Variants in SLC7A8 observed in about 807,000 individuals in gnomAD.
SLC7A8 encodes the protein large neutral amino acids transporter small subunit 2.
SLC7A8 carries 30 observed loss-of-function variants against 51.2 expected under a neutral mutation model. That is an observed-to-expected ratio of 0.59 (90% CI 0.44 to 0.80). The LOEUF (loss-of-function observed/expected upper bound fraction) is 0.80. Among genes scored for constraint, SLC7A8 ranks in the 30% least tolerant of loss-of-function variants. SLC7A8 has a pLI of 0.00. For synonymous variants in SLC7A8, 257 were observed against 275.8 expected (o/e 0.93, Z 0.67); for missense variants, 612 against 674.4 (o/e 0.91, Z 1.03).
At chr14:23,142,649 C>T (rs1369267733) in intron 4 of SLC7A8, among the ~76,000 whole-genome samples, 4 of 152,034 alleles carry the variant, frequency 2.6e-5, no homozygotes, top group Non-Finnish European at 4.4e-5. Flanking sequence ...CACAGCCATG[C>T]ACCACCATGC....
At chr14:23,160,495 C>T (rs2048915480) in intron 3 of SLC7A8, among the ~76,000 whole-genome samples, 1 of 149,628 alleles carries the variant, frequency 6.7e-6, no homozygotes, top group South Asian at 2.1e-4. Context: ...GGCGTGAACC[C>T]GGGAGGCAGA....
chr14:23,155,295 GC>G, intron 3 of SLC7A8: 1 of 1,535,986 alleles, frequency 6.5e-7, no homozygotes, highest in African/African-American at 1.4e-5. Flanking sequence ...GGCTGTGAGT[GC>G]TCCTGGAGGC....
chr14:23,178,672 C>T (rs907867997), intron 1 of SLC7A8, among the ~76,000 whole-genome samples: 2 of 151,156 alleles, frequency 1.3e-5, no homozygotes, highest in Non-Finnish European at 2.9e-5. Flanking sequence ...CCCAACACTT[C>T]GGGAGGCTGA....
intron 2 of SLC7A8, 131 bp downstream of exon 2, chr14:23,166,205 T>C: frequency 2.2e-6 from 2 of 893,530 alleles, no homozygotes; most frequent in Non-Finnish European, 3.5e-6. Context: ...GAAGAGACAT[T>C]CCATTCACTA....
chr14:23,143,305 T>C lies in SLC7A8; in HGVS notation c.509-101A>G, dbSNP rs143542148. ...CTGCTCCCTCATCCTGACGATGACA[T>C]TGTAGTAGGTGAGCCAGACATCCAG... On this transcript the variant is annotated intron_variant, in intron 3 of 10. Coordinates refer to ENST00000316902, the MANE Select transcript of SLC7A8 (RefSeq NM_012244.4). The C allele has an allele frequency of 8.9e-5, 134 of 1,500,214 alleles. 1 individual carries two copies. In the East Asian group the frequency reaches 2.9e-3, roughly 33 times the overall value. 92.9% of individuals were successfully genotyped at this position (1,500,214 alleles called of 1,614,324 possible).
chr14:23,159,522 G>A (rs1260172948), intron 3 of SLC7A8, among the ~76,000 whole-genome samples: 1 of 152,246 alleles, frequency 6.6e-6, no homozygotes, highest in Non-Finnish European at 1.5e-5. Flanking sequence ...GTGCTGCCCA[G>A]GTATCTGAAG....
Position 23,131,494 on chromosome 14 carries a change from C to A in SLC7A8, c.1080G>T (p.Lys360Asn). Residue 360 changes from lysine to asparagine, a missense_variant, in exon 8 of 11, where the codon AAG becomes AAT. Physicochemically the swap from Lys to Asn is moderately conservative, Grantham distance 94 (BLOSUM62 0). Coordinates refer to ENST00000316902, the MANE Select transcript of SLC7A8 (RefSeq NM_012244.4). ...GCAGGGCTGGGATTGGGGTGCAGCG[C>A]TTCACGTGGATCATGGCCAACACAC... ...LPSVLAMIHV[K>N]RCTPIPALLF... The A allele has an allele frequency of 6.2e-7, 1 of 1,609,596 alleles. No homozygotes were observed. Among genetic ancestry groups the A allele is most frequent in the Non-Finnish European group, 8.5e-7 (1 of 1,178,154 alleles).
chr14:23,165,200 A>G lies in SLC7A8; in HGVS notation c.508+85T>C. The G allele has an allele frequency of 7.4e-7, 1 of 1,347,408 alleles. No individual in the cohort carries two copies. Among genetic ancestry groups the G allele is most frequent in the Non-Finnish European group, 9.8e-7 (1 of 1,023,486 alleles). The allele number at this position is 1,347,408 out of a possible 1,614,324, so 83.5% of individuals were successfully genotyped here. A position where few individuals can be genotyped will look rare whatever the true frequency, so the allele number is the denominator to read the frequency against. On this transcript the variant is annotated intron_variant, in intron 3 of 10. Transcript: ENST00000316902. The surrounding 1 kb of genome is among the most constrained non-coding windows in gnomAD (Gnocchi z 4.2). ...GCGGCTGCGCTCCAGCCTGAGTGAC[A>G]GAGTGAAGACTCTGTTTCTAAAAAT...
intron 3 of SLC7A8, chr14:23,156,322 A>C (rs2048892834): frequency 6.6e-6 from 1 of 152,170 alleles, no homozygotes. Flanking sequence ...AATAAGGAAC[A>C]CTTTGTGAAT....
chr14:23,141,313 A>C (rs374449028), intron 4 of SLC7A8, among the ~76,000 whole-genome samples: 21 of 152,324 alleles, frequency 1.4e-4, no homozygotes, highest in African/African-American at 4.6e-4. Context: ...AAAACAAACA[A>C]ACAAAAAAAG....
At position 23,182,888 on chromosome 14, in the gene SLC7A8, G is replaced by T. The variant is rs200490338; in HGVS notation, c.27C>A (p.Asn9Lys). 1 of 1,614,148 alleles carries T rather than the reference G, an allele frequency of 6.2e-7. No individual in the cohort carries two copies. Among genetic ancestry groups the T allele is most frequent in the East Asian group, 2.2e-5 (1 of 44,880 alleles). MEEGARHR[N>K]NTEKKHPGGG... ...CACCTGGGTGTTTCTTTTCGGTGTT[G>T]TTTCGGTGCCTGGCTCCTTCTTCCA... Residue 9 changes from asparagine (N) to lysine (K), a missense_variant, in exon 1 of 11, where the codon AAC (asparagine) becomes AAA (lysine). Physicochemically the swap from Asn to Lys is moderately conservative, Grantham distance 94. Coordinates refer to ENST00000316902, the MANE Select transcript of SLC7A8 (RefSeq NM_012244.4).
chr14:23,160,469 G>A (rs1350411442), intron 3 of SLC7A8, among the ~76,000 whole-genome samples: 1 of 151,870 alleles, frequency 6.6e-6, no homozygotes, highest in African/African-American at 2.4e-5. Flanking sequence ...TACTCGGGAG[G>A]CTGAGGCAGG....
chr14:23,172,587 G>A (rs2048980342), intron 1 of SLC7A8, among the ~76,000 whole-genome samples: 1 of 152,134 alleles, frequency 6.6e-6, no homozygotes, highest in Non-Finnish European at 1.5e-5. Context: ...CAGCATTCCC[G>A]GCCCAACTGG....
intron 3 of SLC7A8, among the ~76,000 whole-genome samples, chr14:23,149,850 T>C (rs1264833025): frequency 3.3e-5 from 5 of 152,268 alleles, no homozygotes; most frequent in South Asian, 4.1e-4. Flanking sequence ...TGTTTAGATA[T>C]GTTTAATGCA....
In SLC7A8 at chr14:23,183,100, T is replaced by C. The variant is rs1877258917; in HGVS notation, c.-186A>G. 1 of 342,712 alleles carries C rather than the reference T, an allele frequency of 2.9e-6. No homozygotes were observed. The allele number at this position is 342,712 out of a possible 1,614,324, so 21.2% of individuals were successfully genotyped here. On this transcript the variant is annotated 5_prime_UTR_variant, in exon 1 of 11. Transcript: ENST00000316902. ...ATATTCCTACTCCGCATTCACACTT[T>C]CTGGTCACTCGCGTTTACAAACAAG...
rs2048950425 is a variant in SLC7A8 at position 23,166,405 on chromosome 14, A to C, written c.287T>G (p.Leu96Arg). Residue 96 changes from leucine to arginine, a missense_variant, in exon 2 of 11, where the codon CTC (leucine) becomes CGC (arginine). Physicochemically the swap from Leu to Arg is moderately radical, Grantham distance 102. Transcript: ENST00000316902. Reference sequence around the variant, plus strand: ...TCCAGATTTGGGGATGGTGACCCCGAGTTCAGCATAGCAGAGGGCTCCCAC... The same window carrying C: ...TCCAGATTTGGGGATGGTGACCCCGCGTTCAGCATAGCAGAGGGCTCCCAC... ...TVVGALCYAE[L>R]GVTIPKSGGD... 6.2e-7 allele frequency: 1 copy of C among 1,614,192 alleles called. No individual in the cohort carries two copies. The highest frequency in any genetic ancestry group is 8.5e-7 in the Non-Finnish European group (1 of 1,180,042).
chr14:23,143,314 G>A, intron 3 of SLC7A8, 110 bp from the exon 4 acceptor site: 1 of 1,461,828 alleles, frequency 6.8e-7, no homozygotes, highest in South Asian at 1.3e-5. Flanking sequence ...ATTGTAGTAG[G>A]TGAGCCAGAC....
intron 3 of SLC7A8, among the ~76,000 whole-genome samples, chr14:23,160,956 C>T (rs528589271): frequency 2.0e-3 from 301 of 151,892 alleles, no homozygotes; most frequent in African/African-American, 7.0e-3. Flanking sequence ...CTCTCTCTCT[C>T]TCTCTTTTTT....
At position 23,167,459 on chromosome 14, in the gene SLC7A8, C is replaced by T. The variant is rs74401719; in HGVS notation, c.152-919G>A. ...GAAGTCAGTCTCCTGATACTTAATC[C>T]GGCAATCTTTCCACTAATCCACTTC... On this transcript the variant is annotated intron_variant, in intron 1 of 10. Coordinates refer to ENST00000316902, the MANE Select transcript of SLC7A8 (RefSeq NM_012244.4). Among the ~76,000 whole-genome samples the T allele has an allele frequency of 2.9e-3, 438 of 152,176 alleles. 12 individuals are homozygous for T. In the East Asian group the frequency reaches 0.069, roughly 24 times the overall value.
Sources: allele counts gnomAD v4.1 joint callset (sites outside exome capture counted in the v4.1 genomes callset), GRCh38; gene constraint gnomAD v4.1.1; non-coding constraint Gnocchi (gnomAD v3.1); transcripts MANE v1.5; gene names NCBI Gene and HGNC (gene_info 2026-07-23, HGNC 2026-07-21).